PDE4D: variants seen among roughly 807,000 people sequenced by gnomAD.
PDE4D encodes the protein phosphodiesterase 4D.
A neutral mutation model predicts 87.4 loss-of-function variants in PDE4D; 24 were observed. The ratio of observed to expected loss-of-function variants is 0.27; its 90% CI spans 0.20 to 0.39. PDE4D has a LOEUF of 0.39. Among genes scored for constraint, PDE4D ranks in the 10% least tolerant of loss-of-function variants. The probability of loss-of-function intolerance (pLI) is 1.00; values close to 1 mark genes in which losing one functional copy is unlikely to be tolerated. For missense variants in PDE4D, 714 were observed against 1,041.0 expected (o/e 0.69, Z 4.32); for synonymous variants, 384 against 383.2 (o/e 1.00, Z -0.02).
intron 1 of PDE4D, among the ~76,000 whole-genome samples, chr5:59,282,748 A>T (rs1476933788): frequency 6.6e-6 from 1 of 152,070 alleles, no homozygotes. Flanking sequence ...GTAATGGGAA[A>T]TGTTGAAAAT....
chr5:59,104,371 C>A (rs976463966), intron 5 of PDE4D, among the ~76,000 whole-genome samples: 1 of 152,214 alleles, frequency 6.6e-6, no homozygotes, highest in African/African-American at 2.4e-5. Flanking sequence ...CGTTGGATAA[C>A]CAAGGTCCAT....
intron 1 of PDE4D, among the ~76,000 whole-genome samples, chr5:59,412,165 T>C (rs1397143965): frequency 6.6e-6 from 1 of 152,224 alleles, no homozygotes; most frequent in Non-Finnish European, 1.5e-5. Context: ...GTGGTTATTC[T>C]GAAAAGAACT....
intron 1 of PDE4D, among the ~76,000 whole-genome samples, chr5:59,705,124 G>A (rs1753197066): frequency 6.6e-6 from 1 of 152,098 alleles, no homozygotes; most frequent in South Asian, 2.1e-4. Flanking sequence ...TTTCTGTGAG[G>A]GATTTTTCTT....
intron 5 of PDE4D, among the ~76,000 whole-genome samples, chr5:59,164,543 C>T (rs953705191): frequency 2.6e-5 from 4 of 152,132 alleles, no homozygotes; most frequent in African/African-American, 7.2e-5. Context: ...GAATAACTTT[C>T]CCAAAGTCAA....
chr5:60,187,213 G>A (rs1359118602), intron 1 of PDE4D, among the ~76,000 whole-genome samples: 1 of 152,138 alleles, frequency 6.6e-6, no homozygotes, highest in Non-Finnish European at 1.5e-5. Flanking sequence ...TTTTTCTAAA[G>A]GAGTAGGATT....
chr5:59,823,787 C>A lies in PDE4D; in HGVS notation c.455+69381G>T, dbSNP rs573406528. On this transcript the variant is annotated intron_variant, in intron 1 of 14. Coordinates refer to ENST00000340635, the MANE Select transcript of PDE4D (RefSeq NM_001104631.2). ...TCCTTCAGACTTATTACTACTTAAC[C>A]CTTCCATTTTTTTTTTAAGATAACA... Among the ~76,000 whole-genome samples, 3 of 133,836 alleles carry A rather than the reference C, an allele frequency of 2.2e-5. No homozygotes were observed. In the East Asian group the frequency reaches 6.2e-4, roughly 28 times the overall value. The allele number at this position is 133,836 out of a possible 152,430, so 87.8% of individuals were successfully genotyped here.
At chr5:60,203,487 A>C (rs1742160130) in intron 1 of PDE4D, among the ~76,000 whole-genome samples, 1 of 152,192 alleles carries the variant, frequency 6.6e-6, no homozygotes, top group South Asian at 2.1e-4. Flanking sequence ...AATAATCTGG[A>C]AGGATATACC....
chr5:59,274,145 A>G (rs544635724), intron 1 of PDE4D, among the ~76,000 whole-genome samples: 1 of 152,260 alleles, frequency 6.6e-6, no homozygotes, highest in East Asian at 1.9e-4. Flanking sequence ...AAAAAAGGAC[A>G]GGACTCTCCA....
intron 5 of PDE4D, among the ~76,000 whole-genome samples, chr5:59,165,962 C>T (rs1029899202): frequency 1.3e-5 from 2 of 152,122 alleles, no homozygotes; most frequent in African/African-American, 4.8e-5. Flanking sequence ...TGATTTGTAG[C>T]CTTCTAGCAC....
At chr5:60,432,042 G>A (rs1037343206) in intron 1 of PDE4D, among the ~76,000 whole-genome samples, 1 of 152,286 alleles carries the variant, frequency 6.6e-6, no homozygotes, top group East Asian at 1.9e-4. Flanking sequence ...GCTTCAGCTC[G>A]GCATCAGAGG....
rs1477913012 is a variant in PDE4D at position 60,436,513 on chromosome 5, C to G, written c.-90+51429G>C. 4.6e-5 allele frequency among the ~76,000 whole-genome samples: 7 copies of G among 152,206 alleles called. No individual in the cohort carries two copies. The South Asian group carries it at 8.3e-4, about 18-fold the overall frequency. On this transcript the variant is annotated intron_variant, in intron 1 of 16. Transcript: ENST00000502484. Reference sequence around the variant, plus strand: ...TTTAAAAATTAATAGTAAGCCAAAACAACTCATGATGTGTTCCAAGTAGAG... The same window carrying G: ...TTTAAAAATTAATAGTAAGCCAAAAGAACTCATGATGTGTTCCAAGTAGAG...
chr5:59,840,012 C>T (rs1365029750), intron 1 of PDE4D, among the ~76,000 whole-genome samples: 1 of 151,998 alleles, frequency 6.6e-6, no homozygotes, highest in African/African-American at 2.4e-5. Context: ...GTGGGGGGCT[C>T]CCCATGTGCA....
At chr5:59,005,798 G>T (rs2153358382) in intron 6 of PDE4D, among the ~76,000 whole-genome samples, 1 of 152,312 alleles carries the variant, frequency 6.6e-6, no homozygotes, top group African/African-American at 2.4e-5. Flanking sequence ...TAGGTGACAG[G>T]ATTGAAATGC....
At chr5:60,002,934 G>A (rs1454179908) in intron 2 of PDE4D, among the ~76,000 whole-genome samples, 2 of 151,898 alleles carry the variant, frequency 1.3e-5, no homozygotes, top group Non-Finnish European at 2.9e-5. Context: ...AGAGCAATTA[G>A]GCAAGAAAAA....
At chr5:59,659,162 A>G (rs766918143) in intron 1 of PDE4D, among the ~76,000 whole-genome samples, 6 of 152,236 alleles carry the variant, frequency 3.9e-5, no homozygotes, top group Admixed American at 3.3e-4. Flanking sequence ...ACTTTTGCAG[A>G]TTTGCAACAA....
intron 1 of PDE4D, among the ~76,000 whole-genome samples, chr5:59,782,872 T>A (rs1764767132): frequency 6.6e-6 from 1 of 152,206 alleles, no homozygotes; most frequent in African/African-American, 2.4e-5. Context: ...CCAATTTATG[T>A]AATAGAATAT....
intron 2 of PDE4D, among the ~76,000 whole-genome samples, chr5:60,008,774 G>A (rs1269671185): frequency 6.6e-6 from 1 of 152,000 alleles, no homozygotes; most frequent in African/African-American, 2.4e-5. Flanking sequence ...ATTAAACTAT[G>A]TCTCACCTTT....
At chr5:60,491,481 A>C (rs1036717230), upstream of PDE4D, 3 of 152,230 alleles carry the variant, frequency 2.0e-5, no homozygotes, top group African/African-American at 4.8e-5. Flanking sequence ...TGCATGTGAC[A>C]AAATTCTAAA....
At chr5:59,206,414 A>G (rs1352459705) in intron 2 of PDE4D, among the ~76,000 whole-genome samples, 1 of 152,238 alleles carries the variant, frequency 6.6e-6, no homozygotes, top group Admixed American at 6.5e-5. Context: ...CAAGAAACAC[A>G]TCACATAAAT....
Sources: gnomAD v4.1 joint callset for allele counts (sites outside exome capture counted in the v4.1 genomes callset) on GRCh38, gnomAD v4.1.1 for gene constraint, MANE v1.5 for transcripts, NCBI Gene and HGNC (gene_info 2026-07-23, HGNC 2026-07-21) for gene names.